Variants in SMOC1 observed in about 807,000 individuals in gnomAD.
SMOC1 encodes SPARC related modular calcium binding 1, also known as SPARC-related modular calcium-binding protein 1.
Under a neutral mutation model 56.3 loss-of-function variants are expected in SMOC1, and 22 were observed. The observed-to-expected ratio is 0.39, with a 90% CI of 0.28 to 0.56. The LOEUF is 0.56. SMOC1 is among the 20% of genes least tolerant of loss of function. The pLI is 0.61. For missense variants in SMOC1, 509 were observed against 565.4 expected (o/e 0.90, Z 1.01); for synonymous variants, 193 against 215.0 (o/e 0.90, Z 0.89).
chr14:69,961,510 A>G (rs2139464409), intron 3 of SMOC1, among the ~76,000 whole-genome samples: 1 of 151,616 alleles, frequency 6.6e-6, no homozygotes, highest in Middle Eastern at 3.4e-3. Context: ...CCTCCTGAGT[A>G]GCTGGGACCA....
chr14:69,931,384 C>G (rs553692390), intron 1 of SMOC1, among the ~76,000 whole-genome samples: 1 of 152,242 alleles, frequency 6.6e-6, no homozygotes, highest in East Asian at 1.9e-4. Flanking sequence ...CAGCTCCACT[C>G]GCTGTCGTCC....
rs373083481 is a variant in SMOC1, at chr14:69,991,456, T to C, written c.527-961T>C. On this transcript the variant is annotated intron_variant, in intron 5 of 11. Coordinates refer to ENST00000361956, the MANE Select transcript of SMOC1 (RefSeq NM_001034852.3). ...GGGAGATGATTAGGAAAAAATTACC[T>C]AAAAATGCTCCTTAGATGAGTGATA... 2.0e-3 allele frequency among the ~76,000 whole-genome samples: 308 copies of C among 152,302 alleles called. 1 individual carries two copies. The highest frequency in any genetic ancestry group is 7.1e-3 in the African/African-American group (296 of 41,560).
intron 3 of SMOC1, among the ~76,000 whole-genome samples, chr14:69,968,661 T>C (rs1883655719): frequency 6.6e-6 from 1 of 152,160 alleles, no homozygotes; most frequent in Non-Finnish European, 1.5e-5. Flanking sequence ...TTTGGAGTAA[T>C]GGGCAGGTTA....
intron 1 of SMOC1, among the ~76,000 whole-genome samples, chr14:69,883,723 G>A (rs1313777732): frequency 1.3e-5 from 2 of 152,060 alleles, no homozygotes; most frequent in East Asian, 1.9e-4. Context: ...CATGATGGCT[G>A]TACTAATTTA....
At chr14:69,923,120 A>G (rs899884859) in intron 1 of SMOC1, among the ~76,000 whole-genome samples, 1 of 151,290 alleles carries the variant, frequency 6.6e-6, no homozygotes, top group Non-Finnish European at 1.5e-5. Context: ...AATTTTTTGT[A>G]TTTTTTAGTA....
At chr14:69,975,412 T>C (rs1883912869) in intron 3 of SMOC1, among the ~76,000 whole-genome samples, 1 of 152,178 alleles carries the variant, frequency 6.6e-6, no homozygotes, top group South Asian at 2.1e-4. Context: ...AAAACAAATG[T>C]ACAGGTATTG....
chr14:70,019,995 GT>G (rs1310100060), intron 10 of SMOC1, among the ~76,000 whole-genome samples: 4 of 152,140 alleles, frequency 2.6e-5, no homozygotes, highest in Non-Finnish European at 4.4e-5. Context: ...CAATAGTTTT[GT>G]TGGAAGTAGG....
At chr14:69,975,962 G>T (rs1196690901) in intron 4 of SMOC1, 148 bp downstream of exon 4, 14 of 680,578 alleles carry the variant, frequency 2.1e-5, no homozygotes, top group Non-Finnish European at 3.5e-5. Context: ...TAACATGCTT[G>T]CTCGGAAGTC....
chr14:69,986,380 A>G (rs917803935), intron 5 of SMOC1, among the ~76,000 whole-genome samples: 1 of 152,194 alleles, frequency 6.6e-6, no homozygotes, highest in Non-Finnish European at 1.5e-5. Flanking sequence ...GCAGAGAACG[A>G]TACACACAAA....
intron 1 of SMOC1, among the ~76,000 whole-genome samples, chr14:69,942,204 T>C (rs1882591553): frequency 6.6e-6 from 1 of 152,066 alleles, no homozygotes; most frequent in Non-Finnish European, 1.5e-5. Context: ...TGTCAGTCTT[T>C]GCAACTAGAT....
rs905162208 is a variant in SMOC1, at chr14:69,950,056, C to G, written c.100-2082C>G. ...ACTGGACTCTATCAAATGCTGTGCT[C>G]ATGAGACACTATCTGGATATTTCCC... On this transcript the variant is annotated intron_variant, in intron 1 of 11. Coordinates refer to ENST00000361956, the MANE Select transcript of SMOC1 (RefSeq NM_001034852.3). 2.0e-5 allele frequency among the ~76,000 whole-genome samples: 3 copies of G among 152,328 alleles called. 1 individual carries two copies. The Middle Eastern group carries it at 0.01, about 518-fold the overall frequency.
intron 5 of SMOC1, among the ~76,000 whole-genome samples, chr14:69,989,712 C>T (rs1174618647): frequency 6.6e-6 from 1 of 152,212 alleles, no homozygotes; most frequent in Non-Finnish European, 1.5e-5. Flanking sequence ...GAGGCAGGAG[C>T]ACATATAGAA....
intron 1 of SMOC1, among the ~76,000 whole-genome samples, chr14:69,888,843 A>G (rs1028305683): frequency 6.6e-6 from 1 of 152,156 alleles, no homozygotes; most frequent in East Asian, 1.9e-4. Flanking sequence ...ACCCCTGGGG[A>G]GAGGACACAT....
At chr14:69,959,615 C>A (rs1883301017) in intron 3 of SMOC1, among the ~76,000 whole-genome samples, 1 of 151,900 alleles carries the variant, frequency 6.6e-6, no homozygotes, top group South Asian at 2.1e-4. Context: ...AACCACTGCT[C>A]CCCTCCAACA....
chr14:69,961,220 T>C (rs1408898582), intron 3 of SMOC1, among the ~76,000 whole-genome samples: 3 of 146,662 alleles, frequency 2.0e-5, no homozygotes, highest in Non-Finnish European at 4.5e-5. Context: ...AGCCTTGTTG[T>C]AGCATGAATC....
chr14:69,973,446 A>T (rs1883847858), intron 3 of SMOC1, among the ~76,000 whole-genome samples: 2 of 152,128 alleles, frequency 1.3e-5, no homozygotes, highest in African/African-American at 2.4e-5. Context: ...GTCTATCTGG[A>T]TTTTTTTCCA....
intron 1 of SMOC1, among the ~76,000 whole-genome samples, chr14:69,887,270 A>T (rs552520503): frequency 6.6e-6 from 1 of 152,296 alleles, no homozygotes; most frequent in East Asian, 1.9e-4. Flanking sequence ...AGTTTTTAGG[A>T]CTACATACAG....
rs542213085 is a variant in SMOC1, at chr14:70,028,929, C to T, written c.1292-1313C>T. On this transcript the variant is annotated intron_variant, in intron 11 of 11. Coordinates refer to ENST00000361956, the MANE Select transcript of SMOC1 (RefSeq NM_001034852.3). Reference sequence around the variant, plus strand: ...ATGGAGCTGTGGCTCACATGACCAGCGGGTGGGCTTGGGTTCTGCAGCGCT... The same window carrying T: ...ATGGAGCTGTGGCTCACATGACCAGTGGGTGGGCTTGGGTTCTGCAGCGCT... Among the ~76,000 whole-genome samples, 5 of 152,338 alleles carry T rather than the reference C, an allele frequency of 3.3e-5. No individual in the cohort carries two copies. In the East Asian group the frequency reaches 7.7e-4, roughly 23 times the overall value.
intron 1 of SMOC1, among the ~76,000 whole-genome samples, chr14:69,919,205 A>G (rs1317169086): frequency 2.0e-5 from 3 of 152,154 alleles, no homozygotes; most frequent in Admixed American, 2.0e-4. Flanking sequence ...CAAGCCCATA[A>G]AAGAGCTACA....
Sources: gnomAD v4.1 joint callset for allele counts (sites outside exome capture counted in the v4.1 genomes callset) on GRCh38, gnomAD v4.1.1 for gene constraint, MANE v1.5 for transcripts, NCBI Gene and HGNC (gene_info 2026-07-23, HGNC 2026-07-21) for gene names.